Variants in CFAP20DC observed in about 807,000 individuals in gnomAD.
The protein encoded by CFAP20DC is CFAP20 domain containing, also known as protein CFAP20DC.
Under a neutral mutation model 101.7 loss-of-function variants are expected in CFAP20DC, and 84 were observed. The observed-to-expected ratio is 0.83, with a 90% CI of 0.69 to 0.99. CFAP20DC has a LOEUF of 0.99. CFAP20DC is among the 50% of genes least tolerant of loss of function. The probability of loss-of-function intolerance (pLI) is 0.00; values close to 1 mark genes in which losing one functional copy is unlikely to be tolerated. For missense variants in CFAP20DC, 1,007 were observed against 970.3 expected (o/e 1.04, Z -0.50); for synonymous variants, 359 against 351.2 (o/e 1.02, Z -0.25).
At chr3:58,865,720 G>A (rs1374566417) in intron 11 of CFAP20DC, among the ~76,000 whole-genome samples, 1 of 152,176 alleles carries the variant, frequency 6.6e-6, no homozygotes, top group Non-Finnish European at 1.5e-5. Context: ...TATGTATATG[G>A]ATATGTGAAG....
At chr3:58,895,234 T>G (rs1194000689) in intron 6 of CFAP20DC, among the ~76,000 whole-genome samples, 2 of 152,248 alleles carry the variant, frequency 1.3e-5, no homozygotes. Context: ...AAATGGGATT[T>G]TCTTTTCTAT....
chr3:58,956,253 C>T (rs1449563078), intron 4 of CFAP20DC, among the ~76,000 whole-genome samples: 1 of 151,890 alleles, frequency 6.6e-6, no homozygotes, highest in African/African-American at 2.4e-5. Flanking sequence ...CAGGACTTGG[C>T]TCTTGGAAGG....
intron 5 of CFAP20DC, among the ~76,000 whole-genome samples, chr3:58,922,209 C>T (rs1258402953): frequency 1.3e-5 from 2 of 152,146 alleles, no homozygotes; most frequent in East Asian, 1.9e-4. Flanking sequence ...GACTTTGATA[C>T]GTTTGAGTTG....
chr3:58,929,287 G>T (rs1029962453), intron 5 of CFAP20DC, among the ~76,000 whole-genome samples: 2 of 152,146 alleles, frequency 1.3e-5, no homozygotes, highest in African/African-American at 4.8e-5. Flanking sequence ...AGATTTTGAT[G>T]AAATATCTAG....
chr3:59,005,998 G>A (rs1259649975), intron 4 of CFAP20DC, among the ~76,000 whole-genome samples: 1 of 151,996 alleles, frequency 6.6e-6, no homozygotes, highest in Non-Finnish European at 1.5e-5. Context: ...GCATATAGAG[G>A]AAGGGAAATA....
Position 59,001,706 on chromosome 3 carries a change from G to A in CFAP20DC, c.278+37851C>T, listed in dbSNP as rs569284433. Reference sequence around the variant, plus strand: ...GGTTACAGGTGTGAGCCACTGTGCCGGGATTACAGGTGTGAGCCACTGTGC... The same window carrying A: ...GGTTACAGGTGTGAGCCACTGTGCCAGGATTACAGGTGTGAGCCACTGTGC... On this transcript the variant is annotated intron_variant, in intron 4 of 16. Coordinates refer to ENST00000482387, the MANE Select transcript of CFAP20DC (RefSeq NM_001394063.1). This position sits in a 1 kb window ranked among gnomAD's most constrained non-coding sequence, Gnocchi z 4.5. Among the ~76,000 whole-genome samples the A allele has an allele frequency of 4.6e-5, 7 of 152,142 alleles. No homozygotes were observed. Among genetic ancestry groups the A allele is most frequent in the African/African-American group, 9.6e-5 (4 of 41,498 alleles).
intron 4 of CFAP20DC, among the ~76,000 whole-genome samples, chr3:58,991,805 C>A (rs113546524): frequency 4.6e-5 from 7 of 152,230 alleles, no homozygotes; most frequent in African/African-American, 9.6e-5. Context: ...CCCTGCTGTG[C>A]GGCCCGTTCC....
intron 15 of CFAP20DC, among the ~76,000 whole-genome samples, chr3:58,806,158 G>A (rs1042381289): frequency 6.6e-6 from 1 of 152,134 alleles, no homozygotes; most frequent in African/African-American, 2.4e-5. Context: ...GAATTACATG[G>A]AGTCAAATGA....
At chr3:58,856,688 CATAGAG>C (rs1022097954) in intron 12 of CFAP20DC, among the ~76,000 whole-genome samples, 5 of 151,734 alleles carry the variant, frequency 3.3e-5, no homozygotes, top group Admixed American at 6.6e-5. Context: ...ATTTTTTTTT[CATAGAG>C]ATAAAGAATA....
At chr3:58,890,108 T>C (rs528313938) in intron 6 of CFAP20DC, among the ~76,000 whole-genome samples, 96 of 141,980 alleles carry the variant, frequency 6.8e-4, no homozygotes, top group South Asian at 2.3e-3. Context: ...AGAGGGGCTC[T>C]TCACTTCCCA....
At chr3:58,939,957 G>C (rs1340288813) in intron 4 of CFAP20DC, among the ~76,000 whole-genome samples, 1 of 152,066 alleles carries the variant, frequency 6.6e-6, no homozygotes, top group Non-Finnish European at 1.5e-5. Flanking sequence ...AGTAGAGACA[G>C]GGTTTCATCA....
intron 4 of CFAP20DC, chr3:59,017,678 T>C (rs1211386278): frequency 6.6e-6 from 1 of 152,142 alleles, no homozygotes; most frequent in Non-Finnish European, 1.5e-5. Context: ...TAAACAGCTA[T>C]TACTGTTTAC....
chr3:58,937,875 A>G (rs2087932066), intron 4 of CFAP20DC, 113 bp from the exon 5 acceptor site: 1 of 662,516 alleles, frequency 1.5e-6, no homozygotes, highest in Admixed American at 3.0e-5. Context: ...CAACAGGAAG[A>G]TCAAACACAG....
chr3:58,948,706 G>A (rs533601314), intron 4 of CFAP20DC, among the ~76,000 whole-genome samples: 1 of 152,310 alleles, frequency 6.6e-6, no homozygotes, highest in African/African-American at 2.4e-5. Context: ...TTTTATTGAG[G>A]ATTTTTGCAT....
chr3:59,012,965 A>G (rs2093617904), intron 4 of CFAP20DC, among the ~76,000 whole-genome samples: 1 of 152,220 alleles, frequency 6.6e-6, no homozygotes, highest in Non-Finnish European at 1.5e-5. Flanking sequence ...TTATAATTCT[A>G]AAGTAGACAC....
chr3:58,929,165 C>G (rs1441320411), intron 5 of CFAP20DC, among the ~76,000 whole-genome samples: 3 of 152,198 alleles, frequency 2.0e-5, no homozygotes, highest in Non-Finnish European at 4.4e-5. Flanking sequence ...CCTATCTCAT[C>G]AAGATACTTG....
chr3:58,886,502 G>T (rs995459458), intron 6 of CFAP20DC, among the ~76,000 whole-genome samples: 2 of 151,708 alleles, frequency 1.3e-5, no homozygotes, highest in East Asian at 3.9e-4. Flanking sequence ...GAGGTGGGAG[G>T]ATTTCAGACC....
chr3:58,741,030 G>T (rs752103696), downstream of CFAP20DC, among the ~76,000 whole-genome samples: 20 of 152,154 alleles, frequency 1.3e-4, no homozygotes, highest in Non-Finnish European at 2.4e-4. Context: ...AATAATGTAT[G>T]ATACTTGGAA....
chr3:58,889,456 A>G (rs1676265562), intron 6 of CFAP20DC, among the ~76,000 whole-genome samples: 1 of 152,110 alleles, frequency 6.6e-6, no homozygotes, highest in African/African-American at 2.4e-5. Flanking sequence ...CACAACCCCC[A>G]TGCAAACAGA....
Sources: gnomAD v4.1 joint callset for allele counts (sites outside exome capture counted in the v4.1 genomes callset) on GRCh38, gnomAD v4.1.1 for gene constraint, Gnocchi (gnomAD v3.1) non-coding constraint, MANE v1.5 for transcripts, NCBI Gene and HGNC (gene_info 2026-07-23, HGNC 2026-07-21) for gene names.